Variants in SMARCC2 observed in about 807,000 individuals in gnomAD.
SMARCC2 encodes the protein SWI/SNF related BAF chromatin remodeling complex subunit C2.
SMARCC2 carries 15 observed loss-of-function variants against 151.3 expected under a neutral mutation model. The ratio of observed to expected loss-of-function variants is 0.10; its 90% CI spans 0.07 to 0.15. The LOEUF is 0.15. SMARCC2 is among the 10% of genes least tolerant of loss of function. SMARCC2 has a pLI of 1.00. For synonymous variants in SMARCC2, 590 were observed against 609.5 expected, an observed-to-expected ratio of 0.97 and a Z score of 0.47; for missense variants, 1,031 against 1,599.7, an observed-to-expected ratio of 0.64 and a Z score of 6.06.
chr12:56,181,308 A>C, intron 10 of SMARCC2, 174 bp downstream of exon 10: 1 of 649,450 alleles, frequency 1.5e-6, no homozygotes, highest in Non-Finnish European at 2.6e-6. Context: ...GGCCAGAACC[A>C]GAACTAACAA....
chr12:56,162,451 G>A lies in SMARCC2; in HGVS notation c.*1238C>T, dbSNP rs1872001382. The A allele has an allele frequency of 3.3e-6, 2 of 604,912 alleles. No homozygotes were observed. Among genetic ancestry groups the A allele is most frequent in the African/African-American group, 1.9e-5 (1 of 53,918 alleles). 37.5% of individuals were successfully genotyped at this position (604,912 alleles called of 1,614,324 possible). A position where few individuals can be genotyped will look rare whatever the true frequency, so the allele number is the denominator to read the frequency against. On this transcript the variant is annotated 3_prime_UTR_variant, in exon 29 of 29. Coordinates refer to ENST00000550164, the MANE Select transcript of SMARCC2 (RefSeq NM_001330288.2). ...AGAAAACTTTGAACAGAAGAAAGGT[G>A]CTAAGACGCAGAGGGAGAGAAACAT...
At chr12:56,166,650 G>A (rs1872823354) in intron 26 of SMARCC2, among the ~76,000 whole-genome samples, 1 of 150,552 alleles carries the variant, frequency 6.6e-6, no homozygotes. Flanking sequence ...AATGCAATGG[G>A]GCAAACATGG....
At chr12:56,175,842 G>A (rs1291440027) in intron 15 of SMARCC2, among the ~76,000 whole-genome samples, 5 of 152,080 alleles carry the variant, frequency 3.3e-5, no homozygotes, top group African/African-American at 1.2e-4. Context: ...AATAGATGCA[G>A]GCAATTATCA....
chr12:56,179,183 TC>T, intron 11 of SMARCC2, 127 bp from the exon 12 acceptor site: 1 of 741,442 alleles, frequency 1.3e-6, no homozygotes, highest in Admixed American at 2.5e-5. Flanking sequence ...AGTAATTCTC[TC>T]CAGTCACAAT....
Position 56,184,879 on chromosome 12 carries a change from G to A in SMARCC2, c.457C>T (p.Leu153=), listed in dbSNP as rs758941831. 4 of 1,612,788 alleles carry A rather than the reference G, an allele frequency of 2.5e-6. No individual in the cohort carries two copies. The highest frequency in any genetic ancestry group is 3.4e-6 in the Non-Finnish European group (4 of 1,178,852). Residue 153 remains leucine (L), a synonymous_variant, in exon 5 of 29, where the codon CTA becomes TTA. Coordinates refer to ENST00000550164, the MANE Select transcript of SMARCC2 (RefSeq NM_001330288.2). The stretch of plus-strand genomic sequence containing the variant: ...TTGATAATGTCCTTTAATTTCCCTA[G>A]TAGTTTGGGCTCAATTTCTGGGCAC... ...FLCPEIEPKL[L]GKLKDIIKRH... is the part of the protein sequence containing the mutation.
At chr12:56,186,968 C>A (rs1877379849) in intron 2 of SMARCC2, 2 of 449,010 alleles carry the variant, frequency 4.5e-6, no homozygotes, top group African/African-American at 2.0e-5. Context: ...CCCAGGTACT[C>A]TGAAATAATT....
chr12:56,180,833 G>A lies in SMARCC2; in HGVS notation c.1081+144C>T, dbSNP rs116379720. 802 of 837,708 alleles carry A rather than the reference G, an allele frequency of 9.6e-4. 5 individuals carry two copies. The African/African-American group carries it at 0.012, about 12-fold the overall frequency. 51.9% of individuals were successfully genotyped at this position (837,708 alleles called of 1,614,324 possible). ...TAGAGGATTTTCCAGGGTAATGACC[G>A]TAATTCCAATAACCAGCTAAATTTA... On this transcript the variant is annotated intron_variant, in intron 11 of 28. Transcript: ENST00000550164.
chr12:56,183,959 T>C (rs763908291), intron 6 of SMARCC2, 29 bp from the exon 7 acceptor site: 3 of 1,554,352 alleles, frequency 1.9e-6, no homozygotes, highest in South Asian at 2.2e-5. Context: ...AAGGGAGAGA[T>C]ATAAGCTAAA....
In SMARCC2 at chr12:56,169,764, T is replaced by C; in HGVS notation, c.2548+12A>G. 6.2e-7 allele frequency: 1 copy of C among 1,614,154 alleles called. No homozygotes were observed. Among genetic ancestry groups the C allele is most frequent in the East Asian group, 2.2e-5 (1 of 44,882 alleles). ...TGTCCTGCACCCCCACCTACCCTTG[T>C]GGGAGGCTCACCTATTGGGTCTCCA... On this transcript the variant is annotated intron_variant, in intron 24 of 28. Coordinates refer to ENST00000550164, the MANE Select transcript of SMARCC2 (RefSeq NM_001330288.2).
At chr12:56,164,832 A>C (rs1951726754) in intron 27 of SMARCC2, 101 bp from the exon 28 acceptor site, 1 of 1,019,530 alleles carries the variant, frequency 9.8e-7, no homozygotes, top group Non-Finnish European at 1.4e-6. Context: ...CTCTGTCACC[A>C]GGCTGGAGTG....
Position 56,170,192 on chromosome 12 carries a change from G to A in SMARCC2, c.2364C>T (p.Asp788=), listed in dbSNP as rs780469933. Residue 788 remains aspartate, a synonymous_variant, in exon 23 of 29, where the codon GAC becomes GAT. Transcript: ENST00000550164. ...EPERIEESGN[D]EARVEGQATD... ...TGGCCTGGCCTTCCACCCGAGCCTC[G>A]TCATTCCCGCTCTCCTCTGGGCCCA... 11 of 1,613,408 alleles carry A rather than the reference G, an allele frequency of 6.8e-6. No homozygotes were observed. In the East Asian group the frequency reaches 8.9e-5, roughly 13 times the overall value.
rs749313825 is a variant in SMARCC2, at chr12:56,184,831, C to T, written c.492+13G>A. 2 of 1,526,754 alleles carry T rather than the reference C, an allele frequency of 1.3e-6. No homozygotes were observed. Among genetic ancestry groups the T allele is most frequent in the South Asian group, 2.2e-5 (2 of 89,310 alleles). The allele number at this position is 1,526,754 out of a possible 1,614,324, so 94.6% of individuals were successfully genotyped here. ...ATGGAGTTTCTGAAACCTCTCCTCA[C>T]CAGACCATTTACCTGGTGTCTCTTG... On this transcript the variant is annotated intron_variant, in intron 5 of 28. Transcript: ENST00000550164.
At chr12:56,164,236 G>A in intron 28 of SMARCC2, 67 bp downstream of exon 28, 3 of 1,449,686 alleles carry the variant, frequency 2.1e-6, no homozygotes, top group Non-Finnish European at 1.9e-6. Flanking sequence ...TTCCCCACCT[G>A]CCCGCTCACC....
rs1456679931 is a variant in SMARCC2, at chr12:56,171,926, C to T, written c.1938G>A (p.Met646Ile). ...ETLLLLEALE[M>I]YKDDWNKVSE... ...ACACTTTGTTCCAGTCATCTTTGTA[C>T]ATTTCCAGTGCCTGGTGGTAGTGGT... Residue 646 changes from methionine (M) to isoleucine (I), a missense_variant, in exon 21 of 29, where the codon ATG (methionine) becomes ATA (isoleucine). Physicochemically the swap from Met to Ile is conservative, Grantham distance 10. Transcript: ENST00000550164. This position sits in a 1 kb window ranked among gnomAD's most constrained non-coding sequence, Gnocchi z 4.2. 6.9e-6 allele frequency: 11 copies of T among 1,605,498 alleles called. No homozygotes were observed. Among genetic ancestry groups the T allele is most frequent in the Non-Finnish European group, 9.4e-6 (11 of 1,174,858 alleles).
chr12:56,166,695 T>C (rs1872830371), intron 26 of SMARCC2, among the ~76,000 whole-genome samples: 1 of 151,230 alleles, frequency 6.6e-6, no homozygotes, highest in African/African-American at 2.4e-5. Context: ...GCTCAAACGA[T>C]CCTCCCACCT....
chr12:56,172,142 T>C (rs1874064939), intron 20 of SMARCC2: 1 of 576,312 alleles, frequency 1.7e-6, no homozygotes, highest in Non-Finnish European at 3.0e-6. Flanking sequence ...AGCCTGGAGC[T>C]GGTCCTGAAG....
chr12:56,186,354 T>A, intron 2 of SMARCC2, 114 bp from the exon 3 acceptor site: 1 of 668,062 alleles, frequency 1.5e-6, no homozygotes, highest in African/African-American at 1.8e-5. Context: ...TCTCCCTTTT[T>A]TTTTTTTTTT....
chr12:56,184,376 C>T, intron 5 of SMARCC2, 132 bp from the exon 6 acceptor site: 1 of 641,956 alleles, frequency 1.6e-6, no homozygotes, highest in Non-Finnish European at 2.8e-6. Flanking sequence ...TCTAAGCACA[C>T]ACCAGCTAAG....
intron 7 of SMARCC2, 62 bp from the exon 8 acceptor site, chr12:56,182,141 G>A (rs1438683674): frequency 3.4e-6 from 4 of 1,179,852 alleles, no homozygotes; most frequent in Non-Finnish European, 2.5e-6. Context: ...AAAGTAAAGT[G>A]CAGATCTTTT....
Sources: allele counts gnomAD v4.1 joint callset (sites outside exome capture counted in the v4.1 genomes callset), GRCh38; gene constraint gnomAD v4.1.1; non-coding constraint Gnocchi (gnomAD v3.1); transcripts MANE v1.5; gene names NCBI Gene and HGNC (gene_info 2026-07-23, HGNC 2026-07-21).